CSNK2A1: variants seen among roughly 807,000 people sequenced by gnomAD.
CSNK2A1 encodes the protein casein kinase 2 alpha 1, also known as casein kinase II subunit alpha.
A neutral mutation model predicts 62.9 loss-of-function variants in CSNK2A1; 10 were observed. The observed-to-expected ratio is 0.16, with a 90% CI of 0.10 to 0.27. CSNK2A1 has a LOEUF of 0.27. CSNK2A1 is among the 10% of genes least tolerant of loss of function. The pLI is 1.00. For missense variants in CSNK2A1, 160 were observed against 492.0 expected (o/e 0.33, Z 6.38); for synonymous variants, 124 against 167.8 (o/e 0.74, Z 2.02).
In CSNK2A1 at chr20:485,068, A is replaced by C. The variant is rs1415346369; in HGVS notation, c.1061-992T>G. 1.1e-3 allele frequency among the ~76,000 whole-genome samples: 13 copies of C among 11,788 alleles called. 1 individual carries two copies. The East Asian group carries it at 0.047, about 43-fold the overall frequency. The allele number at this position is 11,788 out of a possible 152,430, so 7.7% of individuals were successfully genotyped here. A position where few individuals can be genotyped will look rare whatever the true frequency, so the allele number is the denominator to read the frequency against. ...GCCACAGAGCAAGACCTTGTCTCCAAAAAAAAAAAAAAAAAAAAAAAAAAA... is the reference window on the plus strand; with the variant it reads ...GCCACAGAGCAAGACCTTGTCTCCACAAAAAAAAAAAAAAAAAAAAAAAAA... On this transcript the variant is annotated intron_variant, in intron 13 of 13. Coordinates refer to ENST00000217244, the MANE Select transcript of CSNK2A1 (RefSeq NM_177559.3).
intron 2 of CSNK2A1, among the ~76,000 whole-genome samples, chr20:519,656 G>GT (rs2018903532): frequency 6.6e-6 from 1 of 152,164 alleles, no homozygotes; most frequent in Non-Finnish European, 1.5e-5. Context: ...AAGCCAAGTA[G>GT]TTTAATACCT....
chr20:500,687 G>C (rs1254186782), intron 4 of CSNK2A1: 3 of 140,584 alleles, frequency 2.1e-5, no homozygotes, highest in African/African-American at 8.1e-5. Context: ...CACCCAGGCT[G>C]GAGTGCAGTG....
In CSNK2A1 at chr20:499,391, G is replaced by T. The variant is rs930526435; in HGVS notation, c.316-86C>A. The stretch of plus-strand genomic sequence containing the variant: ...GGACAATGTTTGCGGATGCTGCGTG[G>T]TGAAATTTGGCAGTCCTCGCCTCAG... On this transcript the variant is annotated intron_variant, in intron 5 of 13. Transcript: ENST00000217244. The surrounding 1 kb of genome is among the most constrained non-coding windows in gnomAD (Gnocchi z 4.2). The T allele has an allele frequency of 2.9e-6, 4 of 1,365,260 alleles. No homozygotes were observed. Among genetic ancestry groups the T allele is most frequent in the Non-Finnish European group, 4.0e-6 (4 of 987,958 alleles). 84.6% of individuals were successfully genotyped at this position (1,365,260 alleles called of 1,614,324 possible). A position where few individuals can be genotyped will look rare whatever the true frequency, so the allele number is the denominator to read the frequency against.
chr20:522,514 A>G (rs2018972622), intron 2 of CSNK2A1, among the ~76,000 whole-genome samples: 1 of 152,204 alleles, frequency 6.6e-6, no homozygotes, highest in Non-Finnish European at 1.5e-5. Flanking sequence ...CCAAGTAATG[A>G]AAATTAAAGA....
At chr20:538,986 AAAC>A (rs1312535319) in intron 1 of CSNK2A1, among the ~76,000 whole-genome samples, 1 of 152,220 alleles carries the variant, frequency 6.6e-6, no homozygotes, top group African/African-American at 2.4e-5. Context: ...AATAATATTC[AAAC>A]ATCAAGAAAC....
intron 4 of CSNK2A1, chr20:501,490 T>C (rs757176249): frequency 4.6e-5 from 7 of 152,240 alleles, no homozygotes; most frequent in African/African-American, 1.2e-4. Flanking sequence ...AAGGACAAAA[T>C]TAATGTACTT....
chr20:523,687 C>G (rs973224618), intron 2 of CSNK2A1, among the ~76,000 whole-genome samples: 1 of 151,876 alleles, frequency 6.6e-6, no homozygotes, highest in South Asian at 2.1e-4. Flanking sequence ...GTCAGGAGAT[C>G]GAGACCATCC....
At chr20:524,922 TG>T (rs894587356) in intron 2 of CSNK2A1, among the ~76,000 whole-genome samples, 4 of 152,070 alleles carry the variant, frequency 2.6e-5, no homozygotes, top group Non-Finnish European at 5.9e-5. Context: ...GTGACCAGCC[TG>T]GGCAACACAG....
At chr20:511,485 A>C (rs1002047253) in intron 2 of CSNK2A1, among the ~76,000 whole-genome samples, 6 of 152,196 alleles carry the variant, frequency 3.9e-5, no homozygotes, top group Non-Finnish European at 8.8e-5. Flanking sequence ...TATCCACTAA[A>C]CACTAATTTT....
At chr20:535,508 C>A (rs2019299958) in intron 1 of CSNK2A1, among the ~76,000 whole-genome samples, 1 of 152,166 alleles carries the variant, frequency 6.6e-6, no homozygotes, top group Non-Finnish European at 1.5e-5. Flanking sequence ...GTAACCCCAG[C>A]ACTTTGGGAG....
chr20:533,809 T>C (rs2019259960), intron 1 of CSNK2A1, among the ~76,000 whole-genome samples: 1 of 152,172 alleles, frequency 6.6e-6, no homozygotes, highest in African/African-American at 2.4e-5. Context: ...GGTCTCCCAA[T>C]GAAGGGAGGT....
rs1049087869 is a variant in CSNK2A1, at chr20:499,248, A to G, written c.366+7T>C. 3.1e-6 allele frequency: 5 copies of G among 1,603,628 alleles called. No individual in the cohort carries two copies. Among genetic ancestry groups the G allele is most frequent in the Non-Finnish European group, 4.3e-6 (5 of 1,174,868 alleles). ...ACTAGCCCGAAACAGTTGGTTATATATTATACCTTGAAGTCTGTGTTGTTT... is the reference window on the plus strand; with the variant it reads ...ACTAGCCCGAAACAGTTGGTTATATGTTATACCTTGAAGTCTGTGTTGTTT... On this transcript the variant is annotated splice_region_variant and intron_variant, in intron 6 of 13. Coordinates refer to ENST00000217244, the MANE Select transcript of CSNK2A1 (RefSeq NM_177559.3). The surrounding 1 kb of genome is among the most constrained non-coding windows in gnomAD (Gnocchi z 4.2).
rs1425808385 is a variant in CSNK2A1 at position 518,927 on chromosome 20, G to A, written c.-110+9006C>T. ...GAGGAAAAATATAGTGAAATCGTTG[G>A]ATATACTTTTTTTTTTTTTTTTTTT... is the stretch of plus-strand genomic sequence containing the variant. On this transcript the variant is annotated intron_variant, in intron 2 of 13. Coordinates refer to ENST00000217244, the MANE Select transcript of CSNK2A1 (RefSeq NM_177559.3). 2.0e-5 allele frequency among the ~76,000 whole-genome samples: 3 copies of A among 147,476 alleles called. No individual in the cohort carries two copies. The East Asian group carries it at 6.0e-4, about 30-fold the overall frequency.
chr20:496,512 T>A (rs2018349826), intron 7 of CSNK2A1: 1 of 152,250 alleles, frequency 6.6e-6, no homozygotes, highest in Non-Finnish European at 1.5e-5. Context: ...AGCCTTTCAG[T>A]CAGCCGACGT....
At chr20:535,552 T>C (rs978044973) in intron 1 of CSNK2A1, among the ~76,000 whole-genome samples, 1 of 151,992 alleles carries the variant, frequency 6.6e-6, no homozygotes, top group African/African-American at 2.4e-5. Flanking sequence ...GGTCAGGAGT[T>C]TGAGGCCAGC....
At chr20:496,437 T>A (rs2018348100) in intron 7 of CSNK2A1, 1 of 152,558 alleles carries the variant, frequency 6.6e-6, no homozygotes, top group Non-Finnish European at 1.5e-5. Context: ...AAATCCAATC[T>A]GAAATGTTTC....
intron 12 of CSNK2A1, chr20:487,210 G>A: frequency 1.6e-6 from 1 of 635,210 alleles, no homozygotes; most frequent in Non-Finnish European, 2.6e-6. Flanking sequence ...TATGAAAAGA[G>A]TTTATTTAGG....
At chr20:522,921 CCCA>C (rs1301873303) in intron 2 of CSNK2A1, among the ~76,000 whole-genome samples, 4 of 152,144 alleles carry the variant, frequency 2.6e-5, no homozygotes, top group Non-Finnish European at 5.9e-5. Flanking sequence ...AGCAATCCTC[CCCA>C]CCACGGCCTC....
At chr20:507,635 G>C (rs946941073) in intron 3 of CSNK2A1, 1 of 152,168 alleles carries the variant, frequency 6.6e-6, no homozygotes, top group Non-Finnish European at 1.5e-5. Context: ...CTCAGGATAA[G>C]GGCAAATGTT....
Sources: allele counts gnomAD v4.1 joint callset (sites outside exome capture counted in the v4.1 genomes callset), GRCh38; gene constraint gnomAD v4.1.1; non-coding constraint Gnocchi (gnomAD v3.1); transcripts MANE v1.5; gene names NCBI Gene and HGNC (gene_info 2026-07-23, HGNC 2026-07-21).